Variants in C1orf216 observed in about 807,000 individuals in gnomAD.
C1orf216 encodes chromosome 1 open reading frame 216.
C1orf216 carries 18 observed loss-of-function variants against 16.4 expected under a neutral mutation model. That is an observed-to-expected ratio of 1.10 (90% CI 0.76 to 1.63). The LOEUF (loss-of-function observed/expected upper bound fraction) is 1.63. Ranked by LOEUF, C1orf216 falls within the 40% of genes most tolerant of loss-of-function variation. C1orf216 has a pLI of 0.00. For synonymous variants in C1orf216, 115 were observed against 116.9 expected (o/e 0.98, Z 0.11); for missense variants, 271 against 297.6 (o/e 0.91, Z 0.66).
chr1:35,717,402 C>A (rs529587564), intron 1 of C1orf216, among the ~76,000 whole-genome samples: 22 of 152,174 alleles, frequency 1.4e-4, no homozygotes, highest in African/African-American at 5.1e-4. Flanking sequence ...CAAAACACAC[C>A]ATTGTTTTTC....
At position 35,716,071 on chromosome 1, in the gene C1orf216, G is replaced by A; in HGVS notation, c.251C>T (p.Pro84Leu). The change falls in exon 2 of 2, where the codon CCC (proline) becomes CTC (leucine). Residue 84 changes from proline (P) to leucine (L), a missense_variant. Coordinates refer to ENST00000270815, the MANE Select transcript of C1orf216 (RefSeq NM_152374.2). ...CCCGGGAATCTCTGCCCCCTCTGGG[G>A]GGCTGCGCACCCCTTCCTCAGGGGA... ...PGSPEEGVRS[P>L]PEGAEIPGAE... 2.5e-6 allele frequency: 4 copies of A among 1,614,138 alleles called. No homozygotes were observed. The highest frequency in any genetic ancestry group is 3.4e-6 in the Non-Finnish European group (4 of 1,180,022).
At position 35,715,809 on chromosome 1, in the gene C1orf216, G is replaced by A; in HGVS notation, c.513C>T (p.His171=). 1 of 1,614,252 alleles carries A rather than the reference G, an allele frequency of 6.2e-7. No individual in the cohort carries two copies. Among genetic ancestry groups the A allele is most frequent in the Non-Finnish European group, 8.5e-7 (1 of 1,180,056 alleles). The change falls in exon 2 of 2, where the codon CAC becomes CAT. Residue 171 remains histidine, a synonymous_variant. Transcript: ENST00000270815. The surrounding 1 kb of genome is among the most constrained non-coding windows in gnomAD (Gnocchi z 4.3). ...KEQEKEKHHV[H]LVMYRRLALL... Reference sequence around the variant, plus strand: ...GTGCCAGGCGACGGTACATCACCAAGTGCACGTGGTGCTTTTCCTTCTCCT... The same window carrying A: ...GTGCCAGGCGACGGTACATCACCAAATGCACGTGGTGCTTTTCCTTCTCCT...
At chr1:35,718,520 C>T (rs567504556) in intron 1 of C1orf216, among the ~76,000 whole-genome samples, 187 bp downstream of exon 1, 1 of 152,282 alleles carries the variant, frequency 6.6e-6, no homozygotes, top group African/African-American at 2.4e-5. Context: ...AACCCCGACA[C>T]GCCAGGACTA....
rs1490016465 is a variant in C1orf216 at position 35,715,846 on chromosome 1, C to T, written c.476G>A (p.Arg159His). 1.4e-5 allele frequency: 22 copies of T among 1,614,100 alleles called. No individual in the cohort carries two copies. The highest frequency in any genetic ancestry group is 2.7e-5 in the African/African-American group (2 of 74,930). Residue 159 changes from arginine to histidine, a missense_variant, in exon 2 of 2, where the codon CGC becomes CAC. By Grantham distance (29) the Arg-to-His change is conservative (BLOSUM62 0). Transcript: ENST00000270815. This position sits in a 1 kb window ranked among gnomAD's most constrained non-coding sequence, Gnocchi z 4.3. ...CTTTTCCTTCTCCTGCTCTTTGTAG[C>T]GCTCCTGGACTTGTAAGTGCTGCAC... is the stretch of plus-strand genomic sequence containing the variant. Reference protein sequence around the residue: ...QAVQHLQVQERYKEQEKEKHH... With the variant: ...QAVQHLQVQEHYKEQEKEKHH...
At chr1:35,716,991 T>C (rs1571175776) in intron 1 of C1orf216, 1 of 152,168 alleles carries the variant, frequency 6.6e-6, no homozygotes, top group Non-Finnish European at 1.5e-5. Context: ...AGTGACATCA[T>C]CCCCCTCCAC....
In C1orf216 at chr1:35,715,633, T is replaced by A; in HGVS notation, c.689A>T (p.Ter230LeuextTer22). 6.2e-6 allele frequency: 10 copies of A among 1,611,146 alleles called. No individual in the cohort carries two copies. The highest frequency in any genetic ancestry group is 8.5e-6 in the Non-Finnish European group (10 of 1,178,226). The part of the protein sequence containing the change: ...AAPSRPQDQA[*>L] ...TTGCACACTTGTGGAGGCACACCCT[T>A]AGGCCTGGTCCTGGGGCCTGGATGG... The change falls in exon 2 of 2, where the codon TAA becomes TTA. Residue 230 changes from the stop codon to leucine, a stop_lost. Transcript: ENST00000270815. The surrounding 1 kb of genome is among the most constrained non-coding windows in gnomAD (Gnocchi z 4.3).
At position 35,715,418 on chromosome 1, in the gene C1orf216, A is replaced by C. The variant is rs1219440681; in HGVS notation, c.*214T>G. The stretch of plus-strand genomic sequence containing the variant: ...TACATGCTCACATATAGGTCTGCAG[A>C]TAAATTAGCTGTGTGTACACATGTG... On this transcript the variant is annotated 3_prime_UTR_variant, in exon 2 of 2. Coordinates refer to ENST00000270815, the MANE Select transcript of C1orf216 (RefSeq NM_152374.2). This position sits in a 1 kb window ranked among gnomAD's most constrained non-coding sequence, Gnocchi z 4.3. 3.4e-6 allele frequency: 2 copies of C among 594,702 alleles called. No homozygotes were observed. The highest frequency in any genetic ancestry group is 3.7e-5 in the African/African-American group (2 of 53,858). 36.8% of individuals were successfully genotyped at this position (594,702 alleles called of 1,614,324 possible). A position where few individuals can be genotyped will look rare whatever the true frequency, so the allele number is the denominator to read the frequency against.
In C1orf216 at chr1:35,717,639, ACT is replaced by A. The variant is rs564394005; in HGVS notation, c.-6+1066_-6+1067del. Among the ~76,000 whole-genome samples the A allele has an allele frequency of 2.6e-5, 4 of 152,238 alleles. No homozygotes were observed. In the East Asian group the frequency reaches 7.7e-4, roughly 29 times the overall value. Reference sequence around the variant, plus strand: ...TGGGTCCCCACTGCGCTGGGTATACACTGTCTTATCCAACTTTGCATCCGTCC... The same window carrying A: ...TGGGTCCCCACTGCGCTGGGTATACAGTCTTATCCAACTTTGCATCCGTCC... On this transcript the variant is annotated intron_variant, in intron 1 of 1. Coordinates refer to ENST00000270815, the MANE Select transcript of C1orf216 (RefSeq NM_152374.2).
intron 1 of C1orf216, among the ~76,000 whole-genome samples, chr1:35,717,985 C>T (rs1432425151): frequency 2.0e-5 from 3 of 152,102 alleles, no homozygotes; most frequent in Non-Finnish European, 2.9e-5. Context: ...CAGGGAGCCC[C>T]GCCTTCCCCA....
chr1:35,715,421 A>C lies in C1orf216; in HGVS notation c.*211T>G. The C allele has an allele frequency of 1.7e-6, 1 of 597,352 alleles. No individual in the cohort carries two copies. Among genetic ancestry groups the C allele is most frequent in the East Asian group, 2.8e-5 (1 of 35,552 alleles). The allele number at this position is 597,352 out of a possible 1,614,324, so 37.0% of individuals were successfully genotyped here. A position where few individuals can be genotyped will look rare whatever the true frequency, so the allele number is the denominator to read the frequency against. ...ATGCTCACATATAGGTCTGCAGATAAATTAGCTGTGTGTACACATGTGCAC... is the reference window on the plus strand; with the variant it reads ...ATGCTCACATATAGGTCTGCAGATACATTAGCTGTGTGTACACATGTGCAC... On this transcript the variant is annotated 3_prime_UTR_variant, in exon 2 of 2. Coordinates refer to ENST00000270815, the MANE Select transcript of C1orf216 (RefSeq NM_152374.2). The surrounding 1 kb of genome is among the most constrained non-coding windows in gnomAD (Gnocchi z 4.3).
intron 1 of C1orf216, among the ~76,000 whole-genome samples, chr1:35,718,382 G>A (rs189590080): frequency 5.9e-4 from 90 of 152,238 alleles, no homozygotes; most frequent in African/African-American, 1.7e-3. Flanking sequence ...CTTGTGGGAA[G>A]GTGCCTAGAG....
intron 1 of C1orf216, among the ~76,000 whole-genome samples, chr1:35,718,337 G>A (rs138964653): frequency 3.3e-5 from 5 of 152,272 alleles, no homozygotes; most frequent in Non-Finnish European, 7.4e-5. Flanking sequence ...GAAGGGTGTA[G>A]GAACAGTTCG....
Position 35,715,559 on chromosome 1 carries a change from G to T in C1orf216, c.*73C>A. The T allele has an allele frequency of 6.8e-7, 1 of 1,478,988 alleles. No homozygotes were observed. The highest frequency in any genetic ancestry group is 9.1e-7 in the Non-Finnish European group (1 of 1,096,784). 91.6% of individuals were successfully genotyped at this position (1,478,988 alleles called of 1,614,324 possible). A position where few individuals can be genotyped will look rare whatever the true frequency, so the allele number is the denominator to read the frequency against. ...ACCTGCAATCATGCCAGCAAATTAT[G>T]TACTTACTAGTGCGCCTCACACATG... On this transcript the variant is annotated 3_prime_UTR_variant, in exon 2 of 2. Coordinates refer to ENST00000270815, the MANE Select transcript of C1orf216 (RefSeq NM_152374.2). This position sits in a 1 kb window ranked among gnomAD's most constrained non-coding sequence, Gnocchi z 4.3.
Position 35,715,130 on chromosome 1 carries a change from T to C in C1orf216, c.*502A>G. 1 of 170,792 alleles carries C rather than the reference T, an allele frequency of 5.9e-6. No individual in the cohort carries two copies. Among genetic ancestry groups the C allele is most frequent in the Non-Finnish European group, 1.3e-5 (1 of 78,076 alleles). 10.6% of individuals were successfully genotyped at this position (170,792 alleles called of 1,614,324 possible). On this transcript the variant is annotated 3_prime_UTR_variant, in exon 2 of 2. Coordinates refer to ENST00000270815, the MANE Select transcript of C1orf216 (RefSeq NM_152374.2). The surrounding 1 kb of genome is among the most constrained non-coding windows in gnomAD (Gnocchi z 4.3). ...ATATGTATTTGCACACACCTGCTCA[T>C]GAGTCTGCCTACAAACACACATGCT...
chr1:35,717,255 T>C (rs1640971226), intron 1 of C1orf216, among the ~76,000 whole-genome samples: 1 of 152,052 alleles, frequency 6.6e-6, no homozygotes, highest in Non-Finnish European at 1.5e-5. Flanking sequence ...TTGTCACCAC[T>C]CCTAATGCCC....
intron 1 of C1orf216, among the ~76,000 whole-genome samples, chr1:35,717,254 C>T (rs1640971188): frequency 6.6e-6 from 1 of 152,108 alleles, no homozygotes; most frequent in African/African-American, 2.4e-5. Context: ...CTTGTCACCA[C>T]TCCTAATGCC....
At position 35,716,309 on chromosome 1, in the gene C1orf216, G is replaced by C; in HGVS notation, c.13C>G (p.Gln5Glu). ...TGGCCCCCCTCAGCTAGCCCTGGCTGGATGGCGAACATCTAGCCTGTAAAG... is the reference window on the plus strand; with the variant it reads ...TGGCCCCCCTCAGCTAGCCCTGGCTCGATGGCGAACATCTAGCCTGTAAAG... MFAI[Q>E]PGLAEGGQFL... The change falls in exon 2 of 2, where the codon CAG becomes GAG. Residue 5 changes from glutamine (Q) to glutamate (E), a missense_variant. Gln to Glu is a conservative substitution (Grantham distance 29, BLOSUM62 2). Around this residue, in one of 3 missense-constraint regions of C1orf216, gnomAD observed 44 missense variants for 46.0 expected, o/e 0.96. Coordinates refer to ENST00000270815, the MANE Select transcript of C1orf216 (RefSeq NM_152374.2). 1 of 1,612,432 alleles carries C rather than the reference G, an allele frequency of 6.2e-7. No individual in the cohort carries two copies. Among genetic ancestry groups the C allele is most frequent in the South Asian group, 1.1e-5 (1 of 90,704 alleles).
In C1orf216 at chr1:35,716,202, C is replaced by T. The variant is rs1486833512; in HGVS notation, c.120G>A (p.Lys40=). Reference sequence around the variant, plus strand: ...TCCCATGCCAATTCTCGTTAGCATCCTTGGCACTTGCCATGAAGTTGGAGT... The same window carrying T: ...TCCCATGCCAATTCTCGTTAGCATCTTTGGCACTTGCCATGAAGTTGGAGT... The part of the protein sequence containing the change: ...DSNSNFMASA[K]DANENWHGMP... The change falls in exon 2 of 2, where the codon AAG becomes AAA. Residue 40 remains lysine (K), a synonymous_variant. Transcript: ENST00000270815. 1 of 1,614,272 alleles carries T rather than the reference C, an allele frequency of 6.2e-7. No homozygotes were observed. Among genetic ancestry groups the T allele is most frequent in the Admixed American group, 1.7e-5 (1 of 60,034 alleles).
Position 35,715,966 on chromosome 1 carries a change from C to T in C1orf216, c.356G>A (p.Ser119Asn). ...AGGACTGCTGCTACGGCTGTCAATG[C>T]TCAGGGAACTGCTGGCATAGCCGTT... is the stretch of plus-strand genomic sequence containing the variant. The part of the protein sequence containing the change: ...EDNGYASSSL[S>N]IDSRSSSPEP... Residue 119 changes from serine to asparagine, a missense_variant, in exon 2 of 2, where the codon AGC becomes AAC. By Grantham distance (46) the Ser-to-Asn change is conservative (BLOSUM62 1). Around this residue, in one of 3 missense-constraint regions of C1orf216, gnomAD observed 220 missense variants for 227.8 expected, o/e 0.97. Transcript: ENST00000270815. The surrounding 1 kb of genome is among the most constrained non-coding windows in gnomAD (Gnocchi z 4.3). 1 of 1,614,096 alleles carries T rather than the reference C, an allele frequency of 6.2e-7. No individual in the cohort carries two copies. Among genetic ancestry groups the T allele is most frequent in the East Asian group, 2.2e-5 (1 of 44,884 alleles).
Sources: allele counts gnomAD v4.1 joint callset (sites outside exome capture counted in the v4.1 genomes callset), GRCh38; gene constraint gnomAD v4.1.1; regional missense constraint gnomAD v4.1.1; non-coding constraint Gnocchi (gnomAD v3.1); transcripts MANE v1.5; gene names NCBI Gene and HGNC (gene_info 2026-07-23, HGNC 2026-07-21).